SH3PXD2A: variants seen among roughly 807,000 people sequenced by gnomAD.
The protein encoded by SH3PXD2A is SH3 and PX domain-containing protein 2A.
Under a neutral mutation model 115.2 loss-of-function variants are expected in SH3PXD2A, and 32 were observed. The observed-to-expected ratio is 0.28, with a 90% CI of 0.21 to 0.37. The LOEUF (loss-of-function observed/expected upper bound fraction) is 0.37, where lower values mean the gene tolerates loss of function less well. SH3PXD2A is among the 10% of genes least tolerant of loss of function. SH3PXD2A has a pLI of 1.00. For synonymous variants in SH3PXD2A, 610 were observed against 629.1 expected (o/e 0.97, Z 0.45); for missense variants, 1,328 against 1,498.7 (o/e 0.89, Z 1.88).
Position 103,595,829 on chromosome 10 carries a change from C to G in SH3PXD2A, c.*5987G>C, listed in dbSNP as rs555665657. On this transcript the variant is annotated 3_prime_UTR_variant, in exon 15 of 15. Transcript: ENST00000369774. ...GACCTTGGAAGGTAGGGCTCTCCAC[C>G]CAGTCTGTAAGCACCAGTGTGCCCA... The G allele has an allele frequency of 6.5e-6, 1 of 152,732 alleles. No individual in the cohort carries two copies. The highest frequency in any genetic ancestry group is 1.9e-4 in the East Asian group (1 of 5,188). 9.5% of individuals were successfully genotyped at this position (152,732 alleles called of 1,614,324 possible).
chr10:103,854,053 T>A (rs1361268893), intron 1 of SH3PXD2A, among the ~76,000 whole-genome samples: 1 of 152,154 alleles, frequency 6.6e-6, no homozygotes, highest in Non-Finnish European at 1.5e-5. Flanking sequence ...CCCAGCCGCA[T>A]TTGCTCAGCT....
intron 2 of SH3PXD2A, among the ~76,000 whole-genome samples, chr10:103,782,226 A>T (rs1262134150): frequency 1.3e-5 from 2 of 152,246 alleles, no homozygotes; most frequent in African/African-American, 4.8e-5. Context: ...TGGCACTGAC[A>T]TCATCTCAGA....
chr10:103,830,287 G>A (rs1365167997), intron 1 of SH3PXD2A, among the ~76,000 whole-genome samples: 1 of 152,214 alleles, frequency 6.6e-6, no homozygotes, highest in East Asian at 1.9e-4. Context: ...GACAGGCCAG[G>A]AAGGAATGAT....
chr10:103,750,764 CTT>C (rs2038567954), intron 3 of SH3PXD2A, among the ~76,000 whole-genome samples: 1 of 151,756 alleles, frequency 6.6e-6, no homozygotes, highest in Non-Finnish European at 1.5e-5. Context: ...ATTCAGGTTG[CTT>C]TGTTGAGGGG....
chr10:103,773,916 T>G (rs11191802), intron 2 of SH3PXD2A, among the ~76,000 whole-genome samples: 47,322 of 151,960 alleles, frequency 0.31, 8,611 homozygotes, highest in African/African-American at 0.51. Context: ...TTTTTTTCTT[T>G]TAGAGACAGG....
At chr10:103,671,276 A>T (rs1161044032) in intron 6 of SH3PXD2A, among the ~76,000 whole-genome samples, 1 of 152,184 alleles carries the variant, frequency 6.6e-6, no homozygotes, top group Non-Finnish European at 1.5e-5. Context: ...TTCTTATAGT[A>T]CAAAAGCAGC....
At chr10:103,773,941 C>A (rs1269843307) in intron 2 of SH3PXD2A, among the ~76,000 whole-genome samples, 1 of 152,110 alleles carries the variant, frequency 6.6e-6, no homozygotes, top group Non-Finnish European at 1.5e-5. Flanking sequence ...CACTATGTTG[C>A]CCTGGCTGAT....
rs533327388 is a variant in SH3PXD2A at position 103,740,362 on chromosome 10, C to T, written c.230-4554G>A. Among the ~76,000 whole-genome samples the T allele has an allele frequency of 2.0e-5, 3 of 152,282 alleles. No homozygotes were observed. The South Asian group carries it at 6.2e-4, about 32-fold the overall frequency. On this transcript the variant is annotated intron_variant, in intron 3 of 14. Coordinates refer to ENST00000369774, the MANE Select transcript of SH3PXD2A (RefSeq NM_001394015.1). ...GGATCATGTCAAGCCTTGAGAGCCA[C>T]CGTGAGGACTTTGGATTTTATTCTG... is the stretch of plus-strand genomic sequence containing the variant.
intron 6 of SH3PXD2A, among the ~76,000 whole-genome samples, chr10:103,683,911 C>G (rs76127989): frequency 6.6e-6 from 1 of 152,182 alleles, no homozygotes; most frequent in Non-Finnish European, 1.5e-5. Flanking sequence ...AAGGTCCCAC[C>G]TTCTCAGTTG....
chr10:103,699,703 G>A (rs1234917459), intron 5 of SH3PXD2A, among the ~76,000 whole-genome samples: 1 of 152,166 alleles, frequency 6.6e-6, no homozygotes, highest in Non-Finnish European at 1.5e-5. Context: ...CAACCTCCAG[G>A]CAAGACAGAC....
chr10:103,766,020 G>A (rs1341264353), intron 3 of SH3PXD2A, among the ~76,000 whole-genome samples: 2 of 152,236 alleles, frequency 1.3e-5, no homozygotes, highest in Non-Finnish European at 2.9e-5. Flanking sequence ...TATAGCATAG[G>A]ACTCTGAGGA....
chr10:103,812,041 C>T (rs547667990), intron 1 of SH3PXD2A, among the ~76,000 whole-genome samples: 6 of 152,232 alleles, frequency 3.9e-5, no homozygotes, highest in Admixed American at 1.3e-4. Flanking sequence ...TCTGGGGCAC[C>T]AATAAGTGCT....
intron 7 of SH3PXD2A, among the ~76,000 whole-genome samples, chr10:103,667,305 A>AGCTG (rs2037396114): frequency 1.3e-5 from 2 of 152,098 alleles, no homozygotes; most frequent in African/African-American, 4.8e-5. Context: ...CCTCCACCCC[A>AGCTG]GGCTCCCCAC....
chr10:103,687,284 T>C (rs1023660125), intron 6 of SH3PXD2A, among the ~76,000 whole-genome samples: 1 of 152,140 alleles, frequency 6.6e-6, no homozygotes, highest in African/African-American at 2.4e-5. Flanking sequence ...GCCCCCACAA[T>C]TGTGTAAGCT....
At chr10:103,759,775 T>C (rs1246214695) in intron 3 of SH3PXD2A, among the ~76,000 whole-genome samples, 2 of 152,180 alleles carry the variant, frequency 1.3e-5, no homozygotes, top group Non-Finnish European at 2.9e-5. Context: ...TCCACAGTCA[T>C]CTTCTAAAAC....
At chr10:103,735,027 T>C (rs1589434651) in intron 4 of SH3PXD2A, among the ~76,000 whole-genome samples, 1 of 152,188 alleles carries the variant, frequency 6.6e-6, no homozygotes, top group Non-Finnish European at 1.5e-5. Context: ...TTCATGAAAT[T>C]AGACAGGGCT....
chr10:103,675,936 G>A (rs953641226), intron 6 of SH3PXD2A, among the ~76,000 whole-genome samples: 6 of 152,082 alleles, frequency 3.9e-5, no homozygotes, highest in Non-Finnish European at 8.8e-5. Context: ...CTACTTGGGC[G>A]GCTGAGGCAG....
chr10:103,629,459 G>C (rs150569478), intron 8 of SH3PXD2A, among the ~76,000 whole-genome samples: 63 of 152,334 alleles, frequency 4.1e-4, no homozygotes, highest in African/African-American at 1.4e-3. Flanking sequence ...TGTAATTATG[G>C]GAACTCAGGA....
At chr10:103,852,707 C>A (rs1326873843) in intron 1 of SH3PXD2A, among the ~76,000 whole-genome samples, 2 of 152,246 alleles carry the variant, frequency 1.3e-5, no homozygotes, top group East Asian at 1.9e-4. Context: ...CAAACCCGCT[C>A]CTCCTGCCCC....
Sources: gnomAD v4.1 joint callset for allele counts (sites outside exome capture counted in the v4.1 genomes callset) on GRCh38, gnomAD v4.1.1 for gene constraint, MANE v1.5 for transcripts, NCBI Gene and HGNC (gene_info 2026-07-23, HGNC 2026-07-21) for gene names.